Variants in MYBL2 observed in about 807,000 individuals in gnomAD.
MYBL2 encodes the protein myb-related protein B.
MYBL2 carries 28 observed loss-of-function variants against 79.9 expected under a neutral mutation model. The observed-to-expected ratio is 0.35, with a 90% confidence interval of 0.26 to 0.48. The LOEUF (loss-of-function observed/expected upper bound fraction) is 0.48. Among genes scored for constraint, MYBL2 ranks in the 20% least tolerant of loss-of-function variants. The pLI, the probability that MYBL2 is intolerant of heterozygous loss-of-function variation, is 0.99. For synonymous variants in MYBL2, 378 were observed against 361.2 expected, an observed-to-expected ratio of 1.05 and a Z score of -0.53; for missense variants, 735 against 893.9, an observed-to-expected ratio of 0.82 and a Z score of 2.27.
intron 2 of MYBL2, among the ~76,000 whole-genome samples, chr20:43,677,831 A>G (rs1008372359): frequency 3.3e-5 from 5 of 152,258 alleles, no homozygotes; most frequent in Non-Finnish European, 7.3e-5. Flanking sequence ...AGAACGGGCC[A>G]TGATGACAAT....
At chr20:43,675,761 T>TTGTGTGTGTGTGTGTGTG (rs34999422) in intron 2 of MYBL2, among the ~76,000 whole-genome samples, 2 of 148,110 alleles carry the variant, frequency 1.4e-5, no homozygotes, top group African/African-American at 4.9e-5. Flanking sequence ...TTTGGGGGCT[T>TTGTGTGTGTGTGTGTGTG]TGTGTGTGTG....
intron 1 of MYBL2, 82 bp from the exon 2 acceptor site, chr20:43,673,724 G>A: frequency 7.5e-7 from 1 of 1,339,872 alleles, no homozygotes; most frequent in Non-Finnish European, 1.1e-6. Flanking sequence ...CCCTAGGGTG[G>A]GCTGGCCGCT....
chr20:43,697,914 C>CA (rs58049554), intron 6 of MYBL2, among the ~76,000 whole-genome samples: 8,011 of 99,330 alleles, frequency 0.081, 399 homozygotes, highest in African/African-American at 0.15. Context: ...GACTCCATCT[C>CA]AAAAAAAAAA....
At chr20:43,709,682 C>T (rs1022880972) in intron 9 of MYBL2, among the ~76,000 whole-genome samples, 3 of 152,194 alleles carry the variant, frequency 2.0e-5, no homozygotes, top group African/African-American at 4.8e-5. Context: ...AGTGTGGCCA[C>T]GGACTGCCTT....
At chr20:43,699,452 A>G (rs1356866585) in intron 6 of MYBL2, among the ~76,000 whole-genome samples, 2 of 152,194 alleles carry the variant, frequency 1.3e-5, no homozygotes, top group African/African-American at 2.4e-5. Flanking sequence ...GTTATATTCA[A>G]TCCAGGGAAT....
chr20:43,716,084 C>G lies in MYBL2; in HGVS notation c.2100C>G (p.Ser700=). The G allele has an allele frequency of 6.2e-7, 1 of 1,606,598 alleles. No individual in the cohort carries two copies. Among genetic ancestry groups the G allele is most frequent in the South Asian group, 1.1e-5 (1 of 90,944 alleles). ...PSHTSRTLIL[S] ...ACACATCTCGGACCCTCATCTTGTCCTGAGGTGTTGAGGGTGTCACGAGCC... is the reference window on the plus strand; with the variant it reads ...ACACATCTCGGACCCTCATCTTGTCGTGAGGTGTTGAGGGTGTCACGAGCC... Residue 700 remains serine, a synonymous_variant, in exon 14 of 14, where the codon TCC becomes TCG. Transcript: ENST00000217026.
At chr20:43,710,567 G>T (rs1469110357) in intron 10 of MYBL2, among the ~76,000 whole-genome samples, 1 of 152,182 alleles carries the variant, frequency 6.6e-6, no homozygotes, top group Non-Finnish European at 1.5e-5. Context: ...AAAAGGAGTT[G>T]GCACCTTGGG....
chr20:43,709,805 C>T (rs1429993682), intron 9 of MYBL2, among the ~76,000 whole-genome samples, 158 bp from the exon 10 acceptor site: 1 of 152,196 alleles, frequency 6.6e-6, no homozygotes, highest in African/African-American at 2.4e-5. Context: ...CTGTTTCCCC[C>T]GAGCCCCTGA....
chr20:43,703,288 C>T (rs1385505183), intron 8 of MYBL2, among the ~76,000 whole-genome samples: 1 of 152,138 alleles, frequency 6.6e-6, no homozygotes, highest in African/African-American at 2.4e-5. Flanking sequence ...CACTGGCTGG[C>T]CCTGCCTGGT....
chr20:43,705,967 T>C (rs1987773337), intron 9 of MYBL2, among the ~76,000 whole-genome samples: 1 of 152,190 alleles, frequency 6.6e-6, no homozygotes, highest in African/African-American at 2.4e-5. Flanking sequence ...CCCAAAATGC[T>C]GGGATTACAG....
At chr20:43,677,667 A>T (rs3091245) in intron 2 of MYBL2, among the ~76,000 whole-genome samples, 123,517 of 150,750 alleles carry the variant, frequency 0.82, 51,254 homozygotes, top group Non-Finnish European at 0.87. Flanking sequence ...AGCCGCCCCG[A>T]CTGGGAGGGA....
intron 6 of MYBL2, among the ~76,000 whole-genome samples, chr20:43,695,363 G>T (rs149368691): frequency 6.6e-6 from 1 of 152,052 alleles, no homozygotes; most frequent in South Asian, 2.1e-4. Flanking sequence ...AGCCTTACCC[G>T]TGTCTCTCCA....
intron 3 of MYBL2, among the ~76,000 whole-genome samples, chr20:43,682,155 T>C (rs1263757183): frequency 6.6e-6 from 1 of 152,168 alleles, no homozygotes; most frequent in Non-Finnish European, 1.5e-5. Flanking sequence ...AGTGAACAGG[T>C]GTTCGGTTTC....
At position 43,667,247 on chromosome 20, in the gene MYBL2, G is replaced by C; in HGVS notation, c.-37G>C. The C allele has an allele frequency of 8.2e-7, 1 of 1,212,522 alleles. No homozygotes were observed. The highest frequency in any genetic ancestry group is 1.0e-6 in the Non-Finnish European group (1 of 975,242). The allele number at this position is 1,212,522 out of a possible 1,614,324, so 75.1% of individuals were successfully genotyped here. Reference sequence around the variant, plus strand: ...CCGGCTCCCGCTCCGGGCTCTGCCGGCGGGCGGGCGAGCGCGGCGCGGTCC... The same window carrying C: ...CCGGCTCCCGCTCCGGGCTCTGCCGCCGGGCGGGCGAGCGCGGCGCGGTCC... On this transcript the variant is annotated 5_prime_UTR_variant, in exon 1 of 14. Coordinates refer to ENST00000217026, the MANE Select transcript of MYBL2 (RefSeq NM_002466.4).
At chr20:43,678,423 A>G (rs865957501) in intron 2 of MYBL2, among the ~76,000 whole-genome samples, 9 of 152,078 alleles carry the variant, frequency 5.9e-5, no homozygotes, top group South Asian at 4.1e-4. Flanking sequence ...TCAGCTCTCA[A>G]TGCAGAGCCA....
intron 11 of MYBL2, 63 bp downstream of exon 11, chr20:43,711,664 CGTCTGGG>C: frequency 1.4e-6 from 2 of 1,438,144 alleles, no homozygotes; most frequent in Non-Finnish European, 1.9e-6. Flanking sequence ...ATGGGGGAGG[CGTCTGGG>C]GACAGGTTGT....
intron 4 of MYBL2, among the ~76,000 whole-genome samples, chr20:43,683,703 G>T (rs1987200950): frequency 6.6e-6 from 1 of 151,772 alleles, no homozygotes. Context: ...ACAGGCACGT[G>T]CTACCACACC....
At chr20:43,674,019 G>T (rs893898514) in intron 2 of MYBL2, 120 bp downstream of exon 2, 1 of 874,224 alleles carries the variant, frequency 1.1e-6, no homozygotes, top group South Asian at 1.5e-5. Context: ...TGAAGGAAGG[G>T]ATGGGTCCTC....
chr20:43,688,033 T>C (rs1296511680), intron 5 of MYBL2, among the ~76,000 whole-genome samples: 1 of 151,716 alleles, frequency 6.6e-6, no homozygotes, highest in African/African-American at 2.4e-5. Flanking sequence ...AAAAATTTTT[T>C]TTTCCCCTAA....
Sources: gnomAD v4.1 joint callset for allele counts (sites outside exome capture counted in the v4.1 genomes callset) on GRCh38, gnomAD v4.1.1 for gene constraint, MANE v1.5 for transcripts, NCBI Gene and HGNC (gene_info 2026-07-23, HGNC 2026-07-21) for gene names.